Variants in ZNF223 observed in about 807,000 individuals in gnomAD.
The protein encoded by ZNF223 is zinc finger protein 223, also known as Homo sapiens zinc finger protein 223.
In ZNF223, 9 loss-of-function variants were observed where a neutral mutation model predicts 12.3. That is an observed-to-expected ratio of 0.73 (90% confidence interval 0.44 to 1.28). The LOEUF is 1.28. ZNF223 is among the 50% of genes most tolerant of loss of function. ZNF223 has a pLI of 0.00. For missense variants in ZNF223, 506 were observed against 579.0 expected, an observed-to-expected ratio of 0.87 and a Z score of 1.29; for synonymous variants, 171 against 195.2, an observed-to-expected ratio of 0.88 and a Z score of 1.03.
At chr19:44,057,835 C>T (rs1414828559) in intron 2 of ZNF223, among the ~76,000 whole-genome samples, 1 of 152,218 alleles carries the variant, frequency 6.6e-6, no homozygotes, top group African/African-American at 2.4e-5. Context: ...TGATTACCAA[C>T]TCGTGTGAGT....
chr19:44,065,204 A>G (rs924902155), intron 4 of ZNF223, among the ~76,000 whole-genome samples: 14 of 152,148 alleles, frequency 9.2e-5, no homozygotes, highest in African/African-American at 2.9e-4. Flanking sequence ...GATTCTACAG[A>G]TTACCTCTCA....
At chr19:44,065,762 G>A (rs780422875) in intron 4 of ZNF223, among the ~76,000 whole-genome samples, 1 of 151,820 alleles carries the variant, frequency 6.6e-6, no homozygotes, top group Non-Finnish European at 1.5e-5. Context: ...ATTTTTAATA[G>A]AGACGGGGTT....
chr19:44,057,388 C>T lies in ZNF223; in HGVS notation c.15+2197C>T, dbSNP rs749129241. Among the ~76,000 whole-genome samples, 12 of 151,954 alleles carry T rather than the reference C, an allele frequency of 7.9e-5. No individual in the cohort carries two copies. In the South Asian group the frequency reaches 8.3e-4, roughly 11 times the overall value. On this transcript the variant is annotated intron_variant, in intron 2 of 4. Coordinates refer to ENST00000434772, the MANE Select transcript of ZNF223 (RefSeq NM_013361.6). ...TTACTACTTACCATATCATCTTGGC[C>T]GGACTGATAATGGAAAATATGTGAA...
At chr19:44,062,710 C>T (rs1568514236) in intron 4 of ZNF223, among the ~76,000 whole-genome samples, 1 of 152,078 alleles carries the variant, frequency 6.6e-6, no homozygotes, top group East Asian at 1.9e-4. Context: ...TGGAGCTTTC[C>T]ATAGGGAGCA....
At chr19:44,057,126 G>A (rs1447063726) in intron 2 of ZNF223, among the ~76,000 whole-genome samples, 2 of 152,146 alleles carry the variant, frequency 1.3e-5, no homozygotes. Context: ...GAGAATGATA[G>A]AATGAATTGT....
chr19:44,065,924 G>T, intron 4 of ZNF223, 140 bp from the exon 5 acceptor site: 1 of 1,403,354 alleles, frequency 7.1e-7, no homozygotes, highest in Non-Finnish European at 9.4e-7. Context: ...TTACTCTCAT[G>T]CAAACCAGAA....
intron 4 of ZNF223, among the ~76,000 whole-genome samples, chr19:44,061,263 G>C (rs146173709): frequency 5.9e-5 from 9 of 152,248 alleles, no homozygotes; most frequent in African/African-American, 2.2e-4. Context: ...ATCACCTGTT[G>C]CTGGTACCCA....
intron 2 of ZNF223, among the ~76,000 whole-genome samples, chr19:44,055,996 C>T (rs1471936090): frequency 6.6e-6 from 1 of 152,096 alleles, no homozygotes. Flanking sequence ...AAGAAAAATT[C>T]TCCACTGAGG....
chr19:44,064,693 C>T (rs1976882299), intron 4 of ZNF223, among the ~76,000 whole-genome samples: 1 of 152,074 alleles, frequency 6.6e-6, no homozygotes, highest in African/African-American at 2.4e-5. Flanking sequence ...CCTCAGAACT[C>T]ACTGGATGTA....
chr19:44,059,189 C>T lies in ZNF223; in HGVS notation c.16-1266C>T, dbSNP rs1002118337. The stretch of plus-strand genomic sequence containing the variant: ...CAGTTCCCCCAGTATGACATTCATG[C>T]GGCCCTTACAGAGAGGAATACCACT... On this transcript the variant is annotated intron_variant, in intron 2 of 4. Transcript: ENST00000434772. Among the ~76,000 whole-genome samples, 17 of 152,176 alleles carry T rather than the reference C, an allele frequency of 1.1e-4. No individual in the cohort carries two copies. The East Asian group carries it at 1.5e-3, about 14-fold the overall frequency.
intron 1 of ZNF223, among the ~76,000 whole-genome samples, chr19:44,053,804 G>A (rs1021471280): frequency 2.0e-5 from 3 of 152,204 alleles, no homozygotes; most frequent in African/African-American, 7.2e-5. Flanking sequence ...GTGGCCTTCC[G>A]CAGTGTATGG....
intron 2 of ZNF223, among the ~76,000 whole-genome samples, chr19:44,055,693 C>T (rs1206990980): frequency 1.3e-5 from 2 of 151,980 alleles, no homozygotes; most frequent in Non-Finnish European, 2.9e-5. Flanking sequence ...CACTTCAAAC[C>T]GGGAGGCGGA....
chr19:44,063,779 C>G (rs1275102585), intron 4 of ZNF223, among the ~76,000 whole-genome samples: 1 of 152,126 alleles, frequency 6.6e-6, no homozygotes, highest in Non-Finnish European at 1.5e-5. Context: ...TGTTGCTCTG[C>G]CAGCTGAAAT....
chr19:44,057,373 C>A (rs1393400729), intron 2 of ZNF223, among the ~76,000 whole-genome samples: 1 of 152,038 alleles, frequency 6.6e-6, no homozygotes, highest in South Asian at 2.1e-4. Flanking sequence ...TTACTACTTA[C>A]CATATCATCT....
rs959001146 is a variant in ZNF223 at position 44,066,244 on chromosome 19, C to T, written c.416C>T (p.Ser139Phe). ...CACTCCCAGGTTGAGGAAGGACTAT[C>T]TATAATGCACACAGGACAGAAACCT... ...DAHSQVEEGLSIMHTGQKPSN... is the reference protein window; with the variant it reads ...DAHSQVEEGLFIMHTGQKPSN... The change falls in exon 5 of 5, where the codon TCT (serine) becomes TTT (phenylalanine). Residue 139 changes from serine to phenylalanine, a missense_variant. Coordinates refer to ENST00000434772, the MANE Select transcript of ZNF223 (RefSeq NM_013361.6). 6.2e-6 allele frequency: 10 copies of T among 1,614,110 alleles called. No homozygotes were observed. In the African/African-American group the frequency reaches 1.2e-4, roughly 19 times the overall value.
chr19:44,065,808 C>T (rs1976902351), intron 4 of ZNF223, among the ~76,000 whole-genome samples: 1 of 151,988 alleles, frequency 6.6e-6, no homozygotes, highest in Admixed American at 6.6e-5. Flanking sequence ...GAATTCCTGA[C>T]CTCAAGTGAT....
intron 4 of ZNF223, among the ~76,000 whole-genome samples, chr19:44,061,128 C>A (rs1976833425): frequency 6.6e-6 from 1 of 152,096 alleles, no homozygotes; most frequent in Admixed American, 6.5e-5. Context: ...CTTCTAGAAA[C>A]CCCTGTGGTC....
rs766819227 is a variant in ZNF223 at position 44,066,115 on chromosome 19, AAGGGTGGTCCTGCC to A, written c.290_303del (p.Gly97AlafsTer9). On this transcript the variant is annotated frameshift_variant, in exon 5 of 5. Transcript: ENST00000434772. LOFTEE classifies it low-confidence loss of function (END_TRUNC). ...ACTTTTCCAGAAGCAGGACCACATGAAGGGTGGTCCTGCCAGCAGATCTGGGAAGAAATTGCAAG... is the reference window on the plus strand; with the variant it reads ...ACTTTTCCAGAAGCAGGACCACATGAAGCAGATCTGGGAAGAAATTGCAAG... 1 of 1,613,294 alleles carries A rather than the reference AAGGGTGGTCCTGCC, an allele frequency of 6.2e-7. No individual in the cohort carries two copies. Among genetic ancestry groups the A allele is most frequent in the South Asian group, 1.1e-5 (1 of 90,944 alleles).
chr19:44,053,051 A>C (rs1489231948), intron 1 of ZNF223, among the ~76,000 whole-genome samples: 1 of 152,074 alleles, frequency 6.6e-6, no homozygotes, highest in East Asian at 1.9e-4. Flanking sequence ...TTCAAAGTCC[A>C]GTTTATGCGT....
Sources: gnomAD v4.1 joint callset for allele counts (sites outside exome capture counted in the v4.1 genomes callset) on GRCh38, gnomAD v4.1.1 for gene constraint, MANE v1.5 for transcripts, NCBI Gene and HGNC (gene_info 2026-07-23, HGNC 2026-07-21) for gene names.